Variants in CACNA1C observed in about 807,000 individuals in gnomAD.
The protein encoded by CACNA1C is voltage-dependent L-type calcium channel subunit alpha-1C.
CACNA1C carries 30 observed loss-of-function variants against 229.0 expected under a neutral mutation model. The ratio of observed to expected loss-of-function variants is 0.13; its 90% CI spans 0.10 to 0.18. The LOEUF (loss-of-function observed/expected upper bound fraction) is 0.18. CACNA1C is among the 10% of genes least tolerant of loss of function. The pLI is 1.00. For synonymous variants in CACNA1C, 1,114 were observed against 1,132.5 expected (o/e 0.98, Z 0.33); for missense variants, 1,658 against 2,845.0 (o/e 0.58, Z 9.49).
chr12:2,120,870 C>A (rs2086381680), intron 3 of CACNA1C, among the ~76,000 whole-genome samples: 1 of 151,928 alleles, frequency 6.6e-6, no homozygotes, highest in Non-Finnish European at 1.5e-5. Context: ...TAAATAATTT[C>A]TAGGAAGCTT....
chr12:2,437,860 G>GGTA (rs1567677237), intron 3 of CACNA1C, among the ~76,000 whole-genome samples: 1 of 125,988 alleles, frequency 7.9e-6, no homozygotes, highest in African/African-American at 2.5e-5. Flanking sequence ...TGATGGTGGT[G>GGTA]ATGGTGGTGG....
chr12:2,025,673 T>G (rs1410662912), intron 1 of CACNA1C, among the ~76,000 whole-genome samples: 1 of 152,218 alleles, frequency 6.6e-6, no homozygotes, highest in Non-Finnish European at 1.5e-5. Flanking sequence ...TAACTCCTCT[T>G]GGAGAAGCTT....
Position 2,006,103 on chromosome 12 carries a change from G to T in CACNA1C, c.139+34902G>T, listed in dbSNP as rs557793045. 5.9e-5 allele frequency among the ~76,000 whole-genome samples: 9 copies of T among 152,296 alleles called. 1 individual carries two copies. The South Asian group carries it at 1.7e-3, about 28-fold the overall frequency. On this transcript the variant is annotated intron_variant, in intron 1 of 46. Coordinates refer to the CACNA1C transcript ENST00000682462. Reference sequence around the variant, plus strand: ...TCACATAAACAAAAGTTCTCTGAGGGAGTCCTTAATAATTTTTAAGAGTGG... The same window carrying T: ...TCACATAAACAAAAGTTCTCTGAGGTAGTCCTTAATAATTTTTAAGAGTGG...
chr12:2,311,633 C>T (rs560633348), intron 3 of CACNA1C, among the ~76,000 whole-genome samples: 81 of 152,304 alleles, frequency 5.3e-4, no homozygotes, highest in Non-Finnish European at 8.8e-4. Flanking sequence ...GAACCTCTTC[C>T]GCGATATGTC....
At chr12:2,220,621 A>C (rs1370941898) in intron 3 of CACNA1C, 1 of 152,218 alleles carries the variant, frequency 6.6e-6, no homozygotes, top group East Asian at 1.9e-4. Flanking sequence ...TTGACTCACC[A>C]TTGTTTGTGG....
Position 2,577,920 on chromosome 12 carries a change from G to A in CACNA1C, c.1896-3670G>A, listed in dbSNP as rs530662760. ...GTCTCGCTCTGTCGCCCAGGCTGGA[G>A]TGCAGTGGCGCGATCTCGGCTCACT... On this transcript the variant is annotated intron_variant, in intron 13 of 46. Coordinates refer to ENST00000399655, the MANE Select transcript of CACNA1C (RefSeq NM_000719.7). Among the ~76,000 whole-genome samples, 11 of 150,110 alleles carry A rather than the reference G, an allele frequency of 7.3e-5. No individual in the cohort carries two copies. The South Asian group carries it at 2.3e-3, about 32-fold the overall frequency.
intron 3 of CACNA1C, among the ~76,000 whole-genome samples, chr12:2,369,862 CAAAAG>C (rs1450789971): frequency 6.6e-6 from 1 of 152,016 alleles, no homozygotes; most frequent in Non-Finnish European, 1.5e-5. Flanking sequence ...GAGGAAGGCA[CAAAAG>C]AAAAGACTGA....
At chr12:2,273,430 A>C (rs1469085284) in intron 3 of CACNA1C, among the ~76,000 whole-genome samples, 1 of 152,056 alleles carries the variant, frequency 6.6e-6, no homozygotes, top group Non-Finnish European at 1.5e-5. Flanking sequence ...CCAGGCACGG[A>C]TCATTAGGGG....
chr12:2,213,206 G>T (rs1363199153), intron 3 of CACNA1C, among the ~76,000 whole-genome samples: 1 of 152,132 alleles, frequency 6.6e-6, no homozygotes, highest in Non-Finnish European at 1.5e-5. Flanking sequence ...GCCTGGAAGG[G>T]CCCTGCTCCA....
chr12:2,254,198 C>G (rs545596500), intron 3 of CACNA1C, among the ~76,000 whole-genome samples: 1 of 152,206 alleles, frequency 6.6e-6, no homozygotes, highest in African/African-American at 2.4e-5. Flanking sequence ...GTGCTCACCA[C>G]TCGAGAGCCC....
rs773820969 is a variant in CACNA1C, at chr12:2,690,881, T to TCCCAC, written c.6118-15_6118-11dup. ...TAATGTTCCTTTGGTTCTTCATGGC[T>TCCCAC]CCCACCCCGCTCCTTCAGGTCTTGA... On this transcript the variant is annotated intron_variant, in intron 46 of 46. Coordinates refer to ENST00000399655, the MANE Select transcript of CACNA1C (RefSeq NM_000719.7). 1.3e-6 allele frequency: 2 copies of TCCCAC among 1,537,864 alleles called. No homozygotes were observed. The highest frequency in any genetic ancestry group is 1.8e-6 in the Non-Finnish European group (2 of 1,136,774).
chr12:2,099,371 C>T lies in CACNA1C; in HGVS notation c.50-15853C>T, dbSNP rs12580799. On this transcript the variant is annotated intron_variant, in intron 1 of 46. Coordinates refer to ENST00000399655, the MANE Select transcript of CACNA1C (RefSeq NM_000719.7). ...TCCAGAGCTTAGGCTGGAGTTGAGA[C>T]GGCTGCCGAGAGGTGTGCTGAGTTC... is the stretch of plus-strand genomic sequence containing the variant. Among the ~76,000 whole-genome samples, 747 of 152,140 alleles carry T rather than the reference C, an allele frequency of 4.9e-3. 36 individuals are homozygous for T. In the East Asian group the frequency reaches 0.11, roughly 21 times the overall value.
At chr12:2,217,397 G>A (rs888295212) in intron 3 of CACNA1C, 1 of 152,130 alleles carries the variant, frequency 6.6e-6, no homozygotes, top group African/African-American at 2.4e-5. Flanking sequence ...CTTAAAAATG[G>A]TTAAGATTGT....
At chr12:2,573,523 A>G (rs987887658) in intron 13 of CACNA1C, among the ~76,000 whole-genome samples, 1 of 152,262 alleles carries the variant, frequency 6.6e-6, no homozygotes, top group African/African-American at 2.4e-5. Context: ...AAGGCTGTTT[A>G]TTCAGAGTAG....
Position 2,585,608 on chromosome 12 carries a change from T to G in CACNA1C, c.2460+112T>G. ...AGAGGAGAGAAAGAAAGACACCCAG[T>G]GGAAAGAAAGCCAGTGGGGATGAAC... is the stretch of plus-strand genomic sequence containing the variant. On this transcript the variant is annotated intron_variant, in intron 17 of 46. Transcript: ENST00000399655. The surrounding 1 kb of genome is among the most constrained non-coding windows in gnomAD (Gnocchi z 4.1). 1 of 1,316,474 alleles carries G rather than the reference T, an allele frequency of 7.6e-7. No homozygotes were observed. The highest frequency in any genetic ancestry group is 1.0e-6 in the Non-Finnish European group (1 of 973,920). 81.5% of individuals were successfully genotyped at this position (1,316,474 alleles called of 1,614,324 possible). A position where few individuals can be genotyped will look rare whatever the true frequency, so the allele number is the denominator to read the frequency against.
intron 3 of CACNA1C, among the ~76,000 whole-genome samples, chr12:2,236,141 C>T (rs1188010488): frequency 1.3e-5 from 2 of 152,156 alleles, no homozygotes; most frequent in Non-Finnish European, 2.9e-5. Flanking sequence ...GTTTTCAGAG[C>T]CGGAGACCTC....
At chr12:2,233,450 G>A (rs955031789) in intron 3 of CACNA1C, among the ~76,000 whole-genome samples, 1 of 152,118 alleles carries the variant, frequency 6.6e-6, no homozygotes, top group Admixed American at 6.5e-5. Context: ...TTTCTTTGAT[G>A]GCGTCTAGGA....
intron 3 of CACNA1C, among the ~76,000 whole-genome samples, chr12:2,408,030 A>G (rs1000278744): frequency 3.3e-5 from 5 of 152,300 alleles, no homozygotes; most frequent in Non-Finnish European, 7.4e-5. Flanking sequence ...AGGCACCCCA[A>G]CTCTTTTGCC....
intron 5 of CACNA1C, among the ~76,000 whole-genome samples, chr12:2,474,364 A>G (rs2099610030): frequency 6.6e-6 from 1 of 152,182 alleles, no homozygotes; most frequent in African/African-American, 2.4e-5. Flanking sequence ...AGTGCTCTAG[A>G]ATATATCCTT....
Sources: allele counts gnomAD v4.1 joint callset (sites outside exome capture counted in the v4.1 genomes callset), GRCh38; gene constraint gnomAD v4.1.1; non-coding constraint Gnocchi (gnomAD v3.1); transcripts MANE v1.5; gene names NCBI Gene and HGNC (gene_info 2026-07-23, HGNC 2026-07-21).